The following ADAMTS19 variants were observed in gnomAD, a reference collection of about 807,000 sequenced individuals.
The protein encoded by ADAMTS19 is ADAM metallopeptidase with thrombospondin type 1 motif 19, also known as A disintegrin and metalloproteinase with thrombospondin motifs 19.
A neutral mutation model predicts 153.3 loss-of-function variants in ADAMTS19; 93 were observed. The ratio of observed to expected loss-of-function variants is 0.61; its 90% CI spans 0.51 to 0.72. The LOEUF (loss-of-function observed/expected upper bound fraction) is 0.72, where lower values mean the gene tolerates loss of function less well. ADAMTS19 is among the 30% of genes least tolerant of loss of function. The pLI is 0.00. For synonymous variants in ADAMTS19, 600 were observed against 556.6 expected, an observed-to-expected ratio of 1.08 and a Z score of -1.10; for missense variants, 1,482 against 1,552.1, an observed-to-expected ratio of 0.95 and a Z score of 0.76.
At chr5:129,509,765 C>G (rs1032705354) in intron 3 of ADAMTS19, among the ~76,000 whole-genome samples, 10 of 151,904 alleles carry the variant, frequency 6.6e-5, no homozygotes, top group Non-Finnish European at 1.5e-4. Context: ...ATTCAAATCC[C>G]TTAAGTCTGG....
At chr5:129,487,011 C>G (rs1350241292) in intron 2 of ADAMTS19, among the ~76,000 whole-genome samples, 2 of 152,060 alleles carry the variant, frequency 1.3e-5, no homozygotes, top group African/African-American at 4.8e-5. Context: ...TCCTCTTACC[C>G]CCTTCCTGTC....
At chr5:129,733,344 G>A (rs1207040600) in intron 21 of ADAMTS19, among the ~76,000 whole-genome samples, 1 of 151,958 alleles carries the variant, frequency 6.6e-6, no homozygotes, top group East Asian at 1.9e-4. Context: ...CACAGCAAAA[G>A]AAATAATCAG....
At chr5:129,533,281 T>C (rs896008209) in intron 6 of ADAMTS19, among the ~76,000 whole-genome samples, 1 of 152,176 alleles carries the variant, frequency 6.6e-6, no homozygotes, top group Non-Finnish European at 1.5e-5. Flanking sequence ...GCTGGAAATA[T>C]TGCATATATT....
At chr5:129,522,330 C>CATATATATATATAT in intron 3 of ADAMTS19, among the ~76,000 whole-genome samples, 1 of 70,972 alleles carries the variant, frequency 1.4e-5, no homozygotes, top group African/African-American at 6.9e-5. Flanking sequence ...CACACACACA[C>CATATATATATATAT]ACATATATAT....
chr5:129,683,313 G>T (rs1307543440), intron 17 of ADAMTS19, among the ~76,000 whole-genome samples: 1 of 152,002 alleles, frequency 6.6e-6, no homozygotes, highest in Non-Finnish European at 1.5e-5. Flanking sequence ...GGAACCAGTA[G>T]AGAACAAAAC....
chr5:129,586,745 G>T (rs192674939), intron 7 of ADAMTS19, among the ~76,000 whole-genome samples: 151 of 152,238 alleles, frequency 9.9e-4, no homozygotes, highest in Non-Finnish European at 1.8e-3. Context: ...TTCCAATGTG[G>T]CTGTACCATT....
intron 7 of ADAMTS19, among the ~76,000 whole-genome samples, chr5:129,592,533 A>G (rs932604504): frequency 3.3e-5 from 5 of 152,196 alleles, no homozygotes; most frequent in African/African-American, 1.2e-4. Flanking sequence ...TTTAAACAGA[A>G]TAATTCAAAT....
chr5:129,594,577 T>A (rs1313776910), intron 7 of ADAMTS19, among the ~76,000 whole-genome samples: 1 of 152,116 alleles, frequency 6.6e-6, no homozygotes, highest in East Asian at 1.9e-4. Context: ...TTATCCTCCT[T>A]CTTTCTTTTC....
At chr5:129,464,397 C>T (rs1213760057) in intron 2 of ADAMTS19, among the ~76,000 whole-genome samples, 1 of 152,106 alleles carries the variant, frequency 6.6e-6, no homozygotes, top group African/African-American at 2.4e-5. Context: ...CATGAGTTTG[C>T]AACAATTATT....
chr5:129,642,256 A>T (rs1307311622), intron 11 of ADAMTS19, among the ~76,000 whole-genome samples: 23 of 152,028 alleles, frequency 1.5e-4, no homozygotes, highest in Non-Finnish European at 3.2e-4. Flanking sequence ...TTTACTTTTT[A>T]AACAGAAGTA....
Position 129,636,487 on chromosome 5 carries a change from C to T in ADAMTS19, c.1771-5372C>T, listed in dbSNP as rs187835228. ...CCTTTCTTTTAATTTATTTTTATTC[C>T]CTTTCTTTAACACTTCCTGATGTAA... On this transcript the variant is annotated intron_variant, in intron 10 of 22. Transcript: ENST00000274487. Among the ~76,000 whole-genome samples the T allele has an allele frequency of 6.6e-4, 100 of 151,756 alleles. 1 individual carries two copies. Among genetic ancestry groups the T allele is most frequent in the African/African-American group, 2.3e-3 (97 of 41,374 alleles).
chr5:129,561,932 C>T (rs568217672), intron 7 of ADAMTS19, among the ~76,000 whole-genome samples: 22 of 152,226 alleles, frequency 1.4e-4, no homozygotes, highest in Non-Finnish European at 2.6e-4. Context: ...AGCTGTCAAG[C>T]TCATGGTGAC....
chr5:129,484,591 G>A (rs1383498474), intron 2 of ADAMTS19, among the ~76,000 whole-genome samples: 1 of 152,008 alleles, frequency 6.6e-6, no homozygotes, highest in Non-Finnish European at 1.5e-5. Context: ...TGTAGTTTTA[G>A]CCTACGGTTT....
At chr5:129,714,160 C>T (rs560560574) in intron 21 of ADAMTS19, among the ~76,000 whole-genome samples, 2 of 152,186 alleles carry the variant, frequency 1.3e-5, no homozygotes, top group Admixed American at 1.3e-4. Flanking sequence ...TGGCTCACGC[C>T]TGTAATCCCA....
chr5:129,559,245 A>AAT lies in ADAMTS19; in HGVS notation c.1372+7338_1372+7339insAT, dbSNP rs1425548055. ...TGTATATTAATAGTATTTCCAATAC[A>AAT]TGTAACCAACAAAGTATTAGAACCC... On this transcript the variant is annotated intron_variant, in intron 7 of 22. Transcript: ENST00000274487. 2.0e-5 allele frequency among the ~76,000 whole-genome samples: 3 copies of AAT among 152,132 alleles called. No homozygotes were observed. In the East Asian group the frequency reaches 5.8e-4, roughly 29 times the overall value.
intron 8 of ADAMTS19, among the ~76,000 whole-genome samples, chr5:129,612,040 G>T (rs1451068351): frequency 6.6e-6 from 1 of 151,700 alleles, no homozygotes; most frequent in Admixed American, 6.6e-5. Flanking sequence ...TGTTACATAT[G>T]TATACATGTG....
chr5:129,603,733 G>T (rs1228070263), intron 8 of ADAMTS19, among the ~76,000 whole-genome samples: 6 of 152,080 alleles, frequency 3.9e-5, no homozygotes, highest in Non-Finnish European at 8.8e-5. Context: ...GCACATTGAG[G>T]CCAAAGACTT....
At chr5:129,614,695 G>T (rs554265268) in intron 8 of ADAMTS19, among the ~76,000 whole-genome samples, 4 of 152,152 alleles carry the variant, frequency 2.6e-5, no homozygotes, top group South Asian at 2.1e-4. Context: ...GGGCAATCAG[G>T]CAGGAGAAAG....
chr5:129,514,581 T>G (rs1751538789), intron 3 of ADAMTS19, among the ~76,000 whole-genome samples: 1 of 152,196 alleles, frequency 6.6e-6, no homozygotes, highest in East Asian at 1.9e-4. Flanking sequence ...GCCATTTGTA[T>G]GTCTTCTTTT....
Sources: gnomAD v4.1 joint callset for allele counts (sites outside exome capture counted in the v4.1 genomes callset) on GRCh38, gnomAD v4.1.1 for gene constraint, MANE v1.5 for transcripts, NCBI Gene and HGNC (gene_info 2026-07-23, HGNC 2026-07-21) for gene names.